The following EML5 variants were observed in gnomAD, a reference collection of about 807,000 sequenced individuals.
EML5 encodes EMAP like 5, also known as echinoderm microtubule-associated protein-like 5.
In EML5, 120 loss-of-function variants were observed where a neutral mutation model predicts 250.0. The ratio of observed to expected loss-of-function variants is 0.48; its 90% CI spans 0.41 to 0.56. EML5 has a LOEUF of 0.56. EML5 is among the 20% of genes least tolerant of loss of function. The pLI is 0.00. For missense variants in EML5, 2,006 were observed against 2,437.6 expected (o/e 0.82, Z 3.73); for synonymous variants, 771 against 806.5 (o/e 0.96, Z 0.75).
chr14:88,790,266 T>C (rs897792307), intron 1 of EML5, among the ~76,000 whole-genome samples: 5 of 152,238 alleles, frequency 3.3e-5, no homozygotes, highest in Non-Finnish European at 7.3e-5. Context: ...ATTGAAACTT[T>C]TCAGGAAACT....
intron 1 of EML5, among the ~76,000 whole-genome samples, chr14:88,773,651 C>A (rs2094417422): frequency 6.6e-6 from 1 of 152,136 alleles, no homozygotes; most frequent in Non-Finnish European, 1.5e-5. Context: ...ATACCTGGAC[C>A]CCAACCTAAA....
chr14:88,647,435 A>C (rs1037198566), intron 28 of EML5, among the ~76,000 whole-genome samples: 55 of 151,728 alleles, frequency 3.6e-4, no homozygotes, highest in African/African-American at 1.3e-3. Context: ...AGTGGCTCAC[A>C]CCTGTAATCC....
intron 16 of EML5, 115 bp downstream of exon 16, chr14:88,695,246 G>A (rs2141333735): frequency 1.4e-6 from 1 of 708,074 alleles, no homozygotes; most frequent in South Asian, 2.0e-5. Context: ...AATAAACATG[G>A]AAGCAATAAA....
At chr14:88,769,799 A>C (rs921141020) in intron 1 of EML5, among the ~76,000 whole-genome samples, 18 of 152,182 alleles carry the variant, frequency 1.2e-4, no homozygotes, top group African/African-American at 4.3e-4. Context: ...CCGAAACCAC[A>C]GGGCTCATTT....
chr14:88,656,651 T>C (rs924415046), intron 27 of EML5, among the ~76,000 whole-genome samples: 9 of 152,166 alleles, frequency 5.9e-5, no homozygotes, highest in Non-Finnish European at 1.2e-4. Flanking sequence ...AAAATGGCCT[T>C]GCATATGTCC....
chr14:88,773,810 T>C (rs946342116), intron 1 of EML5, among the ~76,000 whole-genome samples: 9 of 91,698 alleles, frequency 9.8e-5, no homozygotes, highest in African/African-American at 5.8e-4. Context: ...TAACATCACC[T>C]GGAGGTGATA....
chr14:88,642,949 C>A lies in EML5; in HGVS notation c.4181G>T (p.Gly1394Val). The change falls in exon 31 of 44, where the codon GGT (glycine) becomes GTT (valine). Residue 1394 changes from glycine to valine, a missense_variant. By Grantham distance (109) the Gly-to-Val change is moderately radical (BLOSUM62 -3). This residue lies in a region of EML5 where 1,375 missense variants were observed against 1,590.3 expected (regional missense o/e 0.86). Coordinates refer to ENST00000554922, the MANE Select transcript of EML5 (RefSeq NM_183387.3). ...TGCAGTGTGATAAATTATATCATCA[C>A]CATCATTTAAATAGTGAACATTATT... Reference protein sequence around the residue: ...CRNNVHYLNDGDDIIYHTASV... With the variant: ...CRNNVHYLNDVDDIIYHTASV... 3.1e-6 allele frequency: 5 copies of A among 1,606,160 alleles called. No individual in the cohort carries two copies. The highest frequency in any genetic ancestry group is 3.4e-6 in the Non-Finnish European group (4 of 1,177,556).
At chr14:88,622,862 T>G (rs546788304) in intron 36 of EML5, 144 bp from the exon 37 acceptor site, 1 of 514,094 alleles carries the variant, frequency 1.9e-6, no homozygotes, top group African/African-American at 2.0e-5. Context: ...TCTTGTAAAC[T>G]TTCTATGGCA....
At chr14:88,677,852 T>A (rs1259210228) in intron 21 of EML5, among the ~76,000 whole-genome samples, 1 of 152,200 alleles carries the variant, frequency 6.6e-6, no homozygotes, top group Non-Finnish European at 1.5e-5. Context: ...TTGGTGTGAA[T>A]GTAAATTAGC....
intron 1 of EML5, among the ~76,000 whole-genome samples, chr14:88,778,025 GTTT>G (rs1326402990): frequency 6.6e-6 from 1 of 152,182 alleles, no homozygotes; most frequent in Admixed American, 6.5e-5. Flanking sequence ...AGGGCATAGA[GTTT>G]TTGTTTTCTC....
chr14:88,718,214 T>C (rs1033991107), intron 8 of EML5, among the ~76,000 whole-genome samples: 2 of 152,154 alleles, frequency 1.3e-5, no homozygotes, highest in Non-Finnish European at 2.9e-5. Context: ...CTTTGAGACA[T>C]CCAAGTGATG....
chr14:88,638,350 G>A (rs2090853845), intron 32 of EML5, among the ~76,000 whole-genome samples: 2 of 152,198 alleles, frequency 1.3e-5, no homozygotes, highest in South Asian at 4.1e-4. Flanking sequence ...GAAAAAGGCA[G>A]AAGGGATTTA....
chr14:88,626,022 G>A (rs1444625499), intron 35 of EML5: 9 of 152,128 alleles, frequency 5.9e-5, no homozygotes, highest in Non-Finnish European at 1.0e-4. Context: ...CTTCTGTCAG[G>A]GCCAGGAATT....
chr14:88,712,804 G>C (rs1189359796), intron 9 of EML5, among the ~76,000 whole-genome samples: 1 of 152,026 alleles, frequency 6.6e-6, no homozygotes, highest in African/African-American at 2.4e-5. Context: ...AACAGGGTAA[G>C]TTATAAAAAA....
intron 1 of EML5, among the ~76,000 whole-genome samples, chr14:88,780,185 C>G (rs2094483588): frequency 6.6e-6 from 1 of 152,094 alleles, no homozygotes; most frequent in Admixed American, 6.5e-5. Context: ...CTTCTGACCT[C>G]TAAGTGATCC....
intron 34 of EML5, 82 bp from the exon 35 acceptor site, chr14:88,627,128 A>T: frequency 1.4e-6 from 2 of 1,434,674 alleles, no homozygotes; most frequent in South Asian, 2.4e-5. Flanking sequence ...TAAAATACAT[A>T]GTTCAAAAAA....
rs367669714 is a variant in EML5 at position 88,626,731 on chromosome 14, A to AT, written c.4740+106dup. Reference sequence around the variant, plus strand: ...ATATGCTTGACCAGGGCATGTAATGATTAGCAGATCACAGTATCATCTCAA... The same window carrying AT: ...ATATGCTTGACCAGGGCATGTAATGATTTAGCAGATCACAGTATCATCTCAA... On this transcript the variant is annotated intron_variant, in intron 35 of 43. Coordinates refer to ENST00000554922, the MANE Select transcript of EML5 (RefSeq NM_183387.3). 38 of 1,103,642 alleles carry AT rather than the reference A, an allele frequency of 3.4e-5. No homozygotes were observed. In the African/African-American group the frequency reaches 5.6e-4, roughly 16 times the overall value. 68.4% of individuals were successfully genotyped at this position (1,103,642 alleles called of 1,614,324 possible).
intron 13 of EML5, 106 bp from the exon 14 acceptor site, chr14:88,702,738 C>G (rs1025234286): frequency 2.5e-6 from 2 of 813,996 alleles, no homozygotes; most frequent in Admixed American, 7.4e-5. Flanking sequence ...CATTCAATTT[C>G]CAGTTTTACA....
intron 1 of EML5, among the ~76,000 whole-genome samples, chr14:88,765,455 C>A (rs989944565): frequency 2.6e-5 from 4 of 152,176 alleles, no homozygotes; most frequent in African/African-American, 7.2e-5. Flanking sequence ...TTCCAATCAG[C>A]AACGGCACAT....
Sources: gnomAD v4.1 joint callset for allele counts (sites outside exome capture counted in the v4.1 genomes callset) on GRCh38, gnomAD v4.1.1 for gene constraint, gnomAD v4.1.1 regional missense constraint, MANE v1.5 for transcripts, NCBI Gene and HGNC (gene_info 2026-07-23, HGNC 2026-07-21) for gene names.